The following TMEM11 variants were observed in gnomAD, a reference collection of about 807,000 sequenced individuals.
TMEM11 encodes transmembrane protein 11.
A neutral mutation model predicts 17.0 loss-of-function variants in TMEM11; 1 was observed. The observed-to-expected ratio is 0.06, with a 90% CI of 0.02 to 0.28. TMEM11 has a LOEUF of 0.28. Ranked by LOEUF, TMEM11 falls within the 10% of genes least tolerant of loss-of-function variation. TMEM11 has a pLI of 1.00. For missense variants in TMEM11, 172 were observed against 252.9 expected, an observed-to-expected ratio of 0.68 and a Z score of 2.17; for synonymous variants, 122 against 118.1, an observed-to-expected ratio of 1.03 and a Z score of -0.21.
At chr17:21,211,289 C>T in intron 1 of TMEM11, 1 of 1,209,858 alleles carries the variant, frequency 8.3e-7, no homozygotes, top group Non-Finnish European at 1.1e-6. Context: ...GCTATTTCCA[C>T]CCCTCCTATC....
chr17:21,206,567 AC>A (rs1252895953), intron 1 of TMEM11, among the ~76,000 whole-genome samples: 1 of 150,998 alleles, frequency 6.6e-6, no homozygotes, highest in Non-Finnish European at 1.5e-5. Flanking sequence ...ACGGAGTTTC[AC>A]TCTTGTCACC....
chr17:21,203,390 G>A (rs186511946), intron 1 of TMEM11, among the ~76,000 whole-genome samples: 12 of 152,338 alleles, frequency 7.9e-5, no homozygotes, highest in African/African-American at 2.6e-4. Context: ...CTGCACTGCT[G>A]ACAGGGACTG....
intron 1 of TMEM11, among the ~76,000 whole-genome samples, chr17:21,212,234 C>T (rs1975010238): frequency 1.3e-5 from 2 of 152,154 alleles, no homozygotes; most frequent in South Asian, 4.1e-4. Context: ...AACCAAATGC[C>T]ACATTCCTGC....
At chr17:21,204,434 A>AT (rs1242297259) in intron 1 of TMEM11, among the ~76,000 whole-genome samples, 4 of 100,864 alleles carry the variant, frequency 4.0e-5, no homozygotes, top group South Asian at 3.4e-4. Context: ...CTCCGTCTCA[A>AT]TAAAAAAAAA....
At position 21,198,647 on chromosome 17, in the gene TMEM11, C is replaced by A. The variant is rs773961880; in HGVS notation, c.256G>T (p.Val86Leu). 2.5e-6 allele frequency: 4 copies of A among 1,614,044 alleles called. No individual in the cohort carries two copies. Among genetic ancestry groups the A allele is most frequent in the Non-Finnish European group, 2.5e-6 (3 of 1,180,038 alleles). ...AAGAGGCAGGCGGTGCCCGCCAGCA[C>A]GGCCGTCTTGTGCAGGCAGTTGCCC... ...TVGNCLHKTA[V>L]LAGTACLFTP... The change falls in exon 2 of 2, where the codon GTG becomes TTG. Residue 86 changes from valine to leucine, a missense_variant. By Grantham distance (32) the Val-to-Leu change is conservative (BLOSUM62 1). Coordinates refer to ENST00000317635, the MANE Select transcript of TMEM11 (RefSeq NM_003876.3). The surrounding 1 kb of genome is among the most constrained non-coding windows in gnomAD (Gnocchi z 6.5).
chr17:21,199,122 C>T lies in TMEM11; in HGVS notation c.63-282G>A, dbSNP rs187395285. 5.2e-3 allele frequency among the ~76,000 whole-genome samples: 778 copies of T among 150,860 alleles called. 8 individuals are homozygous for T. The highest frequency in any genetic ancestry group is 0.018 in the African/African-American group (742 of 41,044). On this transcript the variant is annotated intron_variant, in intron 1 of 1. Transcript: ENST00000317635. ...GATCATGAGGTCAGGAGTTAGAGAC[C>T]AGCCTGGCCAACATGGTGAAACCCT...
intron 1 of TMEM11, among the ~76,000 whole-genome samples, chr17:21,199,826 G>A (rs551664336): frequency 6.6e-6 from 1 of 152,168 alleles, no homozygotes; most frequent in African/African-American, 2.4e-5. Flanking sequence ...CCACTGCATA[G>A]GAAAAGCGAC....
At chr17:21,206,549 T>C (rs866280633) in intron 1 of TMEM11, among the ~76,000 whole-genome samples, 11 of 152,044 alleles carry the variant, frequency 7.2e-5, no homozygotes, top group African/African-American at 1.9e-4. Context: ...TTTATTTATT[T>C]TGTGGAGACG....
At chr17:21,200,685 G>A (rs1974873680) in intron 1 of TMEM11, among the ~76,000 whole-genome samples, 1 of 152,208 alleles carries the variant, frequency 6.6e-6, no homozygotes, top group African/African-American at 2.4e-5. Context: ...GGTCAATGTG[G>A]CCCATGTACC....
In TMEM11 at chr17:21,198,317, A is replaced by T; in HGVS notation, c.*7T>A. On this transcript the variant is annotated 3_prime_UTR_variant, in exon 2 of 2. Coordinates refer to ENST00000317635, the MANE Select transcript of TMEM11 (RefSeq NM_003876.3). This position sits in a 1 kb window ranked among gnomAD's most constrained non-coding sequence, Gnocchi z 6.5. ...GTGGTTTTGCTTCGCTCCCTGTTCT[A>T]CTGAAATCATACGGCATAGAGTTCG... 6.2e-7 allele frequency: 1 copy of T among 1,605,726 alleles called. No homozygotes were observed. Among genetic ancestry groups the T allele is most frequent in the African/African-American group, 1.3e-5 (1 of 74,830 alleles).
rs780475479 is a variant in TMEM11 at position 21,198,849 on chromosome 17, GGAGGGGGCAGGAAAGGGA to G, written c.63-27_63-10del. The stretch of plus-strand genomic sequence containing the variant: ...TGGCCGACAAGCTCACCCTTTTGAT[GGAGGGGGCAGGAAAGGGA>G]GAGAGAGAGAGAGACAGGATGATTA... On this transcript the variant is annotated splice_polypyrimidine_tract_variant and intron_variant, in intron 1 of 1. Coordinates refer to ENST00000317635, the MANE Select transcript of TMEM11 (RefSeq NM_003876.3). This position sits in a 1 kb window ranked among gnomAD's most constrained non-coding sequence, Gnocchi z 6.5. 1.3e-5 allele frequency: 21 copies of G among 1,602,016 alleles called. No individual in the cohort carries two copies. In the Admixed American group the frequency reaches 2.5e-4, roughly 19 times the overall value.
chr17:21,213,920 G>T (rs1287256116), intron 1 of TMEM11, 171 bp downstream of exon 1: 2 of 650,584 alleles, frequency 3.1e-6, no homozygotes, highest in Admixed American at 6.1e-5. Context: ...CTTCGACCTC[G>T]CTCCCACCCG....
chr17:21,198,121 C>G lies in TMEM11; in HGVS notation c.*203G>C, dbSNP rs1262623512. 9.2e-6 allele frequency: 6 copies of G among 649,062 alleles called. No homozygotes were observed. The highest frequency in any genetic ancestry group is 8.6e-4 in the Middle Eastern group (2 of 2,318). The allele number at this position is 649,062 out of a possible 1,614,324, so 40.2% of individuals were successfully genotyped here. A position where few individuals can be genotyped will look rare whatever the true frequency, so the allele number is the denominator to read the frequency against. ...TCGGACTTCCACAGCCTCAGACCCC[C>G]CTCTTGGGTTATGGAAATCCACATC... On this transcript the variant is annotated 3_prime_UTR_variant, in exon 2 of 2. Transcript: ENST00000317635. This position sits in a 1 kb window ranked among gnomAD's most constrained non-coding sequence, Gnocchi z 6.5.
chr17:21,211,279 G>C lies in TMEM11; in HGVS notation c.62+2812C>G, dbSNP rs1016749108. 2.0e-5 allele frequency: 25 copies of C among 1,259,034 alleles called. No individual in the cohort carries two copies. The East Asian group carries it at 1.4e-3, about 68-fold the overall frequency. The allele number at this position is 1,259,034 out of a possible 1,614,324, so 78.0% of individuals were successfully genotyped here. On this transcript the variant is annotated intron_variant, in intron 1 of 1. Transcript: ENST00000317635. ...ATCAACATGCAAGCACTACCATTTT[G>C]CTATTTCCACCCCTCCTATCTTAGT... is the stretch of plus-strand genomic sequence containing the variant.
chr17:21,211,255 T>G, intron 1 of TMEM11: 1 of 1,284,540 alleles, frequency 7.8e-7, no homozygotes, highest in Non-Finnish European at 1.0e-6. Flanking sequence ...GAGAGAAAAA[T>G]CAACATGCAA....
chr17:21,208,625 C>T (rs1974970166), intron 1 of TMEM11: 1 of 152,324 alleles, frequency 6.6e-6, no homozygotes, highest in African/African-American at 2.4e-5. Flanking sequence ...CAATCACCTT[C>T]CCAGTTCTGA....
At chr17:21,205,639 C>G (rs1054711211) in intron 1 of TMEM11, among the ~76,000 whole-genome samples, 2 of 152,082 alleles carry the variant, frequency 1.3e-5, no homozygotes. Flanking sequence ...ACCATCACCA[C>G]CATCCACCTC....
intron 1 of TMEM11, among the ~76,000 whole-genome samples, chr17:21,204,078 G>A (rs1450898362): frequency 7.0e-6 from 1 of 142,308 alleles, no homozygotes; most frequent in Non-Finnish European, 1.5e-5. Context: ...TTTCATTGCA[G>A]GTGTGAAATG....
At chr17:21,199,534 TA>T (rs1555541825) in intron 1 of TMEM11, among the ~76,000 whole-genome samples, 2 of 152,098 alleles carry the variant, frequency 1.3e-5, no homozygotes, top group Non-Finnish European at 2.9e-5. Flanking sequence ...AAGCCATTCT[TA>T]GTTAATCAGG....
Sources: gnomAD v4.1 joint callset for allele counts (sites outside exome capture counted in the v4.1 genomes callset) on GRCh38, gnomAD v4.1.1 for gene constraint, Gnocchi (gnomAD v3.1) non-coding constraint, MANE v1.5 for transcripts, NCBI Gene and HGNC (gene_info 2026-07-23, HGNC 2026-07-21) for gene names.